Variants in CFH observed in about 807,000 individuals in gnomAD.
CFH encodes H factor 1 (complement).
In CFH, 53 loss-of-function variants were observed where a neutral mutation model predicts 147.3. The observed-to-expected ratio is 0.36, with a 90% CI of 0.29 to 0.45. CFH has a LOEUF of 0.45. CFH is among the 20% of genes least tolerant of loss of function. The probability of loss-of-function intolerance (pLI) is 1.00; values close to 1 mark genes in which losing one functional copy is unlikely to be tolerated. For synonymous variants in CFH, 536 were observed against 489.4 expected (o/e 1.10, Z -1.26); for missense variants, 1,380 against 1,498.0 (o/e 0.92, Z 1.30).
At chr1:196,688,299 T>C (rs958956338) in intron 7 of CFH, among the ~76,000 whole-genome samples, 6 of 152,056 alleles carry the variant, frequency 3.9e-5, no homozygotes, top group Non-Finnish European at 7.4e-5. Flanking sequence ...TAATATATAA[T>C]AACTCAGTAA....
chr1:196,682,363 C>G (rs961966396), intron 6 of CFH, among the ~76,000 whole-genome samples: 1 of 151,478 alleles, frequency 6.6e-6, no homozygotes, highest in Non-Finnish European at 1.5e-5. Flanking sequence ...GGTACAGGTT[C>G]GGGCAATGTT....
intron 9 of CFH, among the ~76,000 whole-genome samples, chr1:196,708,630 A>C (rs1668651579): frequency 2.0e-5 from 3 of 152,078 alleles, no homozygotes; most frequent in Non-Finnish European, 4.4e-5. Context: ...TCCATCAATA[A>C]ATGCACCCTT....
At chr1:196,728,638 G>T in intron 15 of CFH, 116 bp downstream of exon 15, 4 of 974,662 alleles carry the variant, frequency 4.1e-6, no homozygotes, top group South Asian at 1.4e-5. Context: ...ACTGAATAAG[G>T]CAGGTAAACT....
intron 1 of CFH, among the ~76,000 whole-genome samples, chr1:196,661,082 C>T (rs760446299): frequency 6.6e-6 from 1 of 151,816 alleles, no homozygotes; most frequent in South Asian, 2.1e-4. Context: ...CGGAAGGGGC[C>T]GGGGATTGTG....
intron 17 of CFH, among the ~76,000 whole-genome samples, chr1:196,739,941 A>G (rs1294542286): frequency 2.6e-5 from 4 of 152,210 alleles, no homozygotes; most frequent in South Asian, 4.1e-4. Context: ...GGCCTCAGGA[A>G]ACTTACAACC....
In CFH at chr1:196,706,940, T is replaced by C. The variant is rs146198154; in HGVS notation, c.1337-6795T>C. On this transcript the variant is annotated intron_variant, in intron 9 of 21. Transcript: ENST00000367429. ...AGATACATTTTCAAGATAAACAAAA[T>C]CATTCCGCTGCAAGACCAAGAGAAT... Among the ~76,000 whole-genome samples the C allele has an allele frequency of 3.4e-3, 518 of 152,154 alleles. 6 individuals carry two copies. Among genetic ancestry groups the C allele is most frequent in the African/African-American group, 0.012 (495 of 41,510 alleles).
At chr1:196,734,512 A>G (rs999882466) in intron 15 of CFH, among the ~76,000 whole-genome samples, 2 of 151,734 alleles carry the variant, frequency 1.3e-5, no homozygotes, top group African/African-American at 2.4e-5. Flanking sequence ...TGCTTAGTTC[A>G]CTCTTATCTT....
chr1:196,661,225 G>A (rs1401428254), intron 1 of CFH, among the ~76,000 whole-genome samples: 2 of 152,070 alleles, frequency 1.3e-5, no homozygotes, highest in Non-Finnish European at 2.9e-5. Flanking sequence ...AAGGTCAAGG[G>A]AAAATTAGTG....
intron 1 of CFH, among the ~76,000 whole-genome samples, chr1:196,654,307 G>A (rs1666607705): frequency 6.6e-6 from 1 of 152,018 alleles, no homozygotes; most frequent in South Asian, 2.1e-4. Context: ...TAGCCAGCAG[G>A]AATAATTTGT....
In CFH at chr1:196,728,415, A is replaced by G. The variant is rs1558179826; in HGVS notation, c.2306A>G (p.Lys769Arg). ...IILEEHLKNKKEFDHNSNIRY... is the reference protein window; with the variant it reads ...IILEEHLKNKREFDHNSNIRY... ...CTTGAGGAACATTTAAAAAACAAGA[A>G]GGAATTCGATCATAATTCTAACATA... The change falls in exon 15 of 22, where the codon AAG (lysine) becomes AGG (arginine). Residue 769 changes from lysine (K) to arginine (R), a missense_variant. Lys to Arg is a conservative substitution (Grantham distance 26). Coordinates refer to ENST00000367429, the MANE Select transcript of CFH (RefSeq NM_000186.4). 3.1e-6 allele frequency: 5 copies of G among 1,608,058 alleles called. No individual in the cohort carries two copies. In the South Asian group the frequency reaches 5.5e-5, roughly 18 times the overall value.
intron 1 of CFH, among the ~76,000 whole-genome samples, chr1:196,666,870 C>G (rs910682161): frequency 4.1e-5 from 6 of 147,728 alleles, no homozygotes; most frequent in Admixed American, 6.8e-5. Context: ...CACTTATTTT[C>G]TGTTAGCAAT....
intron 1 of CFH, among the ~76,000 whole-genome samples, chr1:196,652,773 C>T (rs1177468977): frequency 6.6e-6 from 1 of 151,532 alleles, no homozygotes; most frequent in Non-Finnish European, 1.5e-5. Context: ...AGATTTTTTT[C>T]CTGTAGTTGT....
chr1:196,739,661 C>T (rs954583937), intron 17 of CFH, among the ~76,000 whole-genome samples: 4 of 152,156 alleles, frequency 2.6e-5, no homozygotes, highest in African/African-American at 9.7e-5. Flanking sequence ...CACATCTTGT[C>T]TTCTGAGCCG....
chr1:196,668,930 GT>G (rs1667186991), intron 1 of CFH, among the ~76,000 whole-genome samples: 1 of 152,182 alleles, frequency 6.6e-6, no homozygotes, highest in Non-Finnish European at 1.5e-5. Flanking sequence ...ATGGGCAGAG[GT>G]TGGAACAGTT....
rs760693788 is a variant in CFH, at chr1:196,743,617, C to T, written c.3299C>T (p.Pro1100Leu). The T allele has an allele frequency of 6.2e-7, 1 of 1,613,954 alleles. No individual in the cohort carries two copies. Among genetic ancestry groups the T allele is most frequent in the Non-Finnish European group, 8.5e-7 (1 of 1,179,886 alleles). ...MCLNGNWTEP[P>L]QCKDSTGKCG... Reference sequence around the variant, plus strand: ...TTAAATGGAAACTGGACGGAACCACCTCAATGCAAAGGTAGAGTATTATAT... The same window carrying T: ...TTAAATGGAAACTGGACGGAACCACTTCAATGCAAAGGTAGAGTATTATAT... The change falls in exon 20 of 22, where the codon CCT (proline) becomes CTT (leucine). Residue 1100 changes from proline to leucine, a missense_variant. By Grantham distance (98) the Pro-to-Leu change is moderately conservative. Around this residue, in one of 4 missense-constraint regions of CFH, gnomAD observed 123 missense variants for 185.3 expected, o/e 0.66. Transcript: ENST00000367429.
chr1:196,683,092 A>T (rs989581242), intron 6 of CFH, among the ~76,000 whole-genome samples: 2 of 151,672 alleles, frequency 1.3e-5, no homozygotes, highest in African/African-American at 2.4e-5. Flanking sequence ...CCCAAAAATT[A>T]AAAAATTAAG....
chr1:196,702,197 C>T (rs532317186), intron 9 of CFH, among the ~76,000 whole-genome samples: 25 of 152,252 alleles, frequency 1.6e-4, no homozygotes, highest in African/African-American at 3.4e-4. Flanking sequence ...GCACTACTGG[C>T]GCCTCTCCAG....
chr1:196,678,479 C>T (rs1667533533), intron 5 of CFH: 1 of 151,736 alleles, frequency 6.6e-6, no homozygotes, highest in South Asian at 2.1e-4. Context: ...ATTATTTTTA[C>T]TATTAAAGTC....
intron 4 of CFH, chr1:196,677,137 A>G: frequency 4.6e-6 from 1 of 215,096 alleles, no homozygotes. Flanking sequence ...ACACAGTGTT[A>G]TATTATTCTA....
Sources: allele counts gnomAD v4.1 joint callset (sites outside exome capture counted in the v4.1 genomes callset), GRCh38; gene constraint gnomAD v4.1.1; regional missense constraint gnomAD v4.1.1; transcripts MANE v1.5; gene names NCBI Gene and HGNC (gene_info 2026-07-23, HGNC 2026-07-21).